PCDH15: variants seen among roughly 807,000 people sequenced by gnomAD.
PCDH15 encodes protocadherin related 15.
PCDH15 carries 129 observed loss-of-function variants against 178.5 expected under a neutral mutation model. The ratio of observed to expected loss-of-function variants is 0.72; its 90% CI spans 0.63 to 0.84. The LOEUF is 0.84. PCDH15 is among the 40% of genes least tolerant of loss of function. The pLI is 0.00. For missense variants in PCDH15, 2,230 were observed against 2,099.9 expected (o/e 1.06, Z -1.21); for synonymous variants, 800 against 732.0 (o/e 1.09, Z -1.50).
intron 2 of PCDH15, among the ~76,000 whole-genome samples, chr10:55,339,318 G>C (rs1462728909): frequency 3.1e-5 from 4 of 129,674 alleles, no homozygotes; most frequent in African/African-American, 1.1e-4. Flanking sequence ...CAACAACAAA[G>C]AATTTACTAC....
At chr10:54,343,264 TC>T (rs2134111627) in intron 6 of PCDH15, among the ~76,000 whole-genome samples, 2 of 152,162 alleles carry the variant, frequency 1.3e-5, no homozygotes, top group East Asian at 3.9e-4. Context: ...GGGGCAGTTT[TC>T]CCCCTGCTGT....
At chr10:55,059,987 T>TAA (rs5785114) in intron 2 of PCDH15, among the ~76,000 whole-genome samples, 7 of 150,762 alleles carry the variant, frequency 4.6e-5, no homozygotes, top group African/African-American at 1.5e-4. Flanking sequence ...TACAAAAAAT[T>TAA]AAAAAAAAAA....
intron 8 of PCDH15, among the ~76,000 whole-genome samples, chr10:54,242,173 TATATATATATATATACAC>T (rs1291257046): frequency 0.019 from 1,872 of 100,894 alleles, 136 homozygotes; most frequent in African/African-American, 0.071. Context: ...TATATATATA[TATATATATATATATACAC>T]ACACACACAT....
intron 5 of PCDH15, among the ~76,000 whole-genome samples, chr10:54,356,689 A>C (rs950518352): frequency 8.1e-5 from 11 of 135,006 alleles, no homozygotes; most frequent in Non-Finnish European, 1.8e-4. Context: ...CATCAAAAAC[A>C]AAAAAAAAGC....
intron 3 of PCDH15, among the ~76,000 whole-genome samples, chr10:54,442,459 T>TATATATAA (rs1469736625): frequency 4.3e-5 from 4 of 93,454 alleles, no homozygotes; most frequent in Non-Finnish European, 8.4e-5. Flanking sequence ...TATATATATA[T>TATATATAA]ACAGTCTTTT....
chr10:54,560,751 T>C (rs557019193), intron 2 of PCDH15, among the ~76,000 whole-genome samples: 1 of 152,202 alleles, frequency 6.6e-6, no homozygotes, highest in Admixed American at 6.5e-5. Flanking sequence ...AGAAAGAATA[T>C]GCCTTACAAA....
At chr10:54,039,347 C>T (rs937265916) in intron 18 of PCDH15, among the ~76,000 whole-genome samples, 1 of 151,856 alleles carries the variant, frequency 6.6e-6, no homozygotes, top group Non-Finnish European at 1.5e-5. Context: ...AGAATTCACT[C>T]TGAATTATTT....
At chr10:55,541,583 CTT>C (rs1841760623) in intron 2 of PCDH15, among the ~76,000 whole-genome samples, 1 of 151,758 alleles carries the variant, frequency 6.6e-6, no homozygotes, top group Admixed American at 6.6e-5. Context: ...TTTAGAAAAA[CTT>C]ATATTTGTCA....
At chr10:54,812,752 C>T (rs951708883) in intron 3 of PCDH15, among the ~76,000 whole-genome samples, 2 of 152,098 alleles carry the variant, frequency 1.3e-5, no homozygotes, top group East Asian at 1.9e-4. Flanking sequence ...CCACCACACC[C>T]AGCCTTTTTA....
intron 3 of PCDH15, among the ~76,000 whole-genome samples, chr10:54,486,659 G>A (rs150553063): frequency 6.7e-6 from 1 of 150,204 alleles, no homozygotes; most frequent in East Asian, 2.0e-4. Context: ...CTTGTTAGCA[G>A]TAAAAATCTT....
At chr10:55,187,638 A>C (rs1839833431) in intron 1 of PCDH15, among the ~76,000 whole-genome samples, 1 of 152,036 alleles carries the variant, frequency 6.6e-6, no homozygotes, top group African/African-American at 2.4e-5. Flanking sequence ...TGATTCAGCA[A>C]ATTACAGCTC....
chr10:54,829,535 G>T (rs532415675), intron 3 of PCDH15, among the ~76,000 whole-genome samples: 1 of 152,086 alleles, frequency 6.6e-6, no homozygotes, highest in African/African-American at 2.4e-5. Flanking sequence ...ACTCAAAAAA[G>T]TTAAATAACT....
intron 1 of PCDH15, among the ~76,000 whole-genome samples, chr10:55,191,377 C>T (rs769059505): frequency 2.0e-4 from 31 of 151,630 alleles, no homozygotes; most frequent in Non-Finnish European, 5.9e-5. Flanking sequence ...CTACAATTAC[C>T]AAGAAATGTA....
chr10:54,418,928 C>A (rs1486275742), intron 3 of PCDH15, among the ~76,000 whole-genome samples: 1 of 151,804 alleles, frequency 6.6e-6, no homozygotes, highest in African/African-American at 2.4e-5. Flanking sequence ...AATTAATAAA[C>A]ATTTAAAAAG....
At chr10:54,551,154 CAAAAAAAA>C (rs57337778) in intron 2 of PCDH15, among the ~76,000 whole-genome samples, 3 of 52,422 alleles carry the variant, frequency 5.7e-5, no homozygotes, top group African/African-American at 2.3e-4. Context: ...GACTCTGTCT[CAAAAAAAA>C]AAAAAAAAAA....
chr10:54,724,941 TACAC>T (rs1413995523), intron 1 of PCDH15, among the ~76,000 whole-genome samples: 10 of 150,294 alleles, frequency 6.7e-5, no homozygotes, highest in African/African-American at 2.2e-4. Flanking sequence ...TATAAATAGA[TACAC>T]ACATGCACAC....
chr10:54,108,165 G>A (rs1401563018), intron 15 of PCDH15, among the ~76,000 whole-genome samples: 1 of 152,094 alleles, frequency 6.6e-6, no homozygotes, highest in Admixed American at 6.5e-5. Context: ...TTCATAACAA[G>A]AAAATGTCAG....
At chr10:54,302,407 G>A (rs1351089792) in intron 8 of PCDH15, among the ~76,000 whole-genome samples, 1 of 152,148 alleles carries the variant, frequency 6.6e-6, no homozygotes, top group African/African-American at 2.4e-5. Flanking sequence ...AAATACATAT[G>A]CTGAAATCCT....
At chr10:54,026,041 A>G (rs2093077076) in intron 18 of PCDH15, among the ~76,000 whole-genome samples, 1 of 152,014 alleles carries the variant, frequency 6.6e-6, no homozygotes, top group Admixed American at 6.6e-5. Flanking sequence ...TGCCATATAT[A>G]AATATATAGC....
Sources: allele counts gnomAD v4.1 joint callset (sites outside exome capture counted in the v4.1 genomes callset), GRCh38; gene constraint gnomAD v4.1.1; transcripts MANE v1.5; gene names NCBI Gene and HGNC (gene_info 2026-07-23, HGNC 2026-07-21).